Variants in EMILIN2 observed in about 807,000 individuals in gnomAD.
EMILIN2 encodes the protein elastin microfibril interfacer 2.
In EMILIN2, 71 loss-of-function variants were observed where a neutral mutation model predicts 87.1. The observed-to-expected ratio is 0.82, with a 90% CI of 0.67 to 0.99. The LOEUF (loss-of-function observed/expected upper bound fraction) is 0.99, where lower values mean the gene tolerates loss of function less well. EMILIN2 is among the 50% of genes least tolerant of loss of function. The pLI is 0.00. For missense variants in EMILIN2, 1,407 were observed against 1,371.8 expected (o/e 1.03, Z -0.40); for synonymous variants, 581 against 563.4 (o/e 1.03, Z -0.44).
chr18:2,894,760 A>G lies in EMILIN2; in HGVS notation c.2359+2274A>G, dbSNP rs2076855621. On this transcript the variant is annotated intron_variant, in intron 4 of 7. Transcript: ENST00000254528. The surrounding 1 kb of genome is among the most constrained non-coding windows in gnomAD (Gnocchi z 5.0). ...ATTGGAAAAGAGCCAGAAATAAACA[A>G]GCAGAGCCTCCTCTGCCCTTGTCTA... Among the ~76,000 whole-genome samples the G allele has an allele frequency of 1.3e-5, 2 of 152,166 alleles. No homozygotes were observed. The highest frequency in any genetic ancestry group is 4.8e-5 in the African/African-American group (2 of 41,440).
chr18:2,863,185 AT>A (rs1171996229), intron 2 of EMILIN2, among the ~76,000 whole-genome samples: 1 of 152,092 alleles, frequency 6.6e-6, no homozygotes, highest in East Asian at 1.9e-4. Context: ...GGATTCATTG[AT>A]TCTTTTGAAG....
Position 2,906,899 on chromosome 18 carries a change from C to G in EMILIN2, c.2476C>G (p.Leu826Val). 2.2e-6 allele frequency: 3 copies of G among 1,393,818 alleles called. No individual in the cohort carries two copies. Among genetic ancestry groups the G allele is most frequent in the Non-Finnish European group, 2.8e-6 (3 of 1,071,762 alleles). The allele number at this position is 1,393,818 out of a possible 1,614,324, so 86.3% of individuals were successfully genotyped here. A position where few individuals can be genotyped will look rare whatever the true frequency, so the allele number is the denominator to read the frequency against. The stretch of plus-strand genomic sequence containing the variant: ...AGAGGACCCTGGGCGACGGCCCGTC[C>G]TGCCCCAGCGGCCCCCCGAGGAGAG... ...TAEDPGRRPVLPQRPPEERPP... is the reference protein window; with the variant it reads ...TAEDPGRRPVVPQRPPEERPP... Residue 826 changes from leucine (L) to valine (V), a missense_variant, in exon 5 of 8, where the codon CTG becomes GTG. Coordinates refer to ENST00000254528, the MANE Select transcript of EMILIN2 (RefSeq NM_032048.3).
chr18:2,894,397 A>G lies in EMILIN2; in HGVS notation c.2359+1911A>G, dbSNP rs1254941287. Reference sequence around the variant, plus strand: ...CACTGCACCTCACTATTTATAACCCAGCCCTTCCCCCACTCCAGGGCCACT... The same window carrying G: ...CACTGCACCTCACTATTTATAACCCGGCCCTTCCCCCACTCCAGGGCCACT... On this transcript the variant is annotated intron_variant, in intron 4 of 7. Transcript: ENST00000254528. This position sits in a 1 kb window ranked among gnomAD's most constrained non-coding sequence, Gnocchi z 5.0. Among the ~76,000 whole-genome samples, 2 of 152,140 alleles carry G rather than the reference A, an allele frequency of 1.3e-5. No homozygotes were observed. The highest frequency in any genetic ancestry group is 2.9e-5 in the Non-Finnish European group (2 of 68,018).
intron 2 of EMILIN2, among the ~76,000 whole-genome samples, chr18:2,871,282 G>T (rs1459469657): frequency 6.6e-6 from 1 of 152,094 alleles, no homozygotes; most frequent in African/African-American, 2.4e-5. Context: ...TTGCTATGTT[G>T]CCCAGCCTGG....
intron 5 of EMILIN2, among the ~76,000 whole-genome samples, chr18:2,908,666 C>T (rs1384592757): frequency 1.3e-5 from 2 of 152,216 alleles, no homozygotes; most frequent in Admixed American, 1.3e-4. Flanking sequence ...CTCCAAGGCT[C>T]CAGTGCCCAT....
chr18:2,863,294 T>A (rs1361940939), intron 2 of EMILIN2, among the ~76,000 whole-genome samples: 2 of 152,218 alleles, frequency 1.3e-5, no homozygotes, highest in Non-Finnish European at 2.9e-5. Flanking sequence ...CTTCTCTAGT[T>A]CTTTTAATTG....
chr18:2,911,790 A>G (rs887981957), intron 7 of EMILIN2, among the ~76,000 whole-genome samples: 3 of 152,196 alleles, frequency 2.0e-5, no homozygotes, highest in African/African-American at 7.2e-5. Context: ...CTTGTCTTGC[A>G]TGGAGCAGGT....
Position 2,890,600 on chromosome 18 carries a change from T to G in EMILIN2, c.473T>G (p.Leu158Trp), listed in dbSNP as rs1568474110. 2.3e-5 allele frequency: 36 copies of G among 1,594,482 alleles called. No individual in the cohort carries two copies. The highest frequency in any genetic ancestry group is 3.0e-5 in the Non-Finnish European group (35 of 1,165,786). The change falls in exon 4 of 8, where the codon TTG becomes TGG. Residue 158 changes from leucine (L) to tryptophan (W), a missense_variant. By Grantham distance (61) the Leu-to-Trp change is moderately conservative. Transcript: ENST00000254528. This position sits in a 1 kb window ranked among gnomAD's most constrained non-coding sequence, Gnocchi z 4.7. ...CAATTCTCAGAGCCCAGGAAGACTT[T>G]GTCCCCAACTGGTACAGCACAACCA... is the stretch of plus-strand genomic sequence containing the variant. ...PSQFSEPRKT[L>W]SPTGTAQPSW... is the part of the protein sequence containing the mutation.
Position 2,885,119 on chromosome 18 carries a change from AC to A in EMILIN2, c.414del (p.Asn138LysfsTer3). On this transcript the variant is annotated frameshift_variant, in exon 3 of 8. Coordinates refer to ENST00000254528, the MANE Select transcript of EMILIN2 (RefSeq NM_032048.3). LOFTEE classifies it high-confidence loss of function. ...TLRPTPARPR[N>X]SLKKATDNEP... ...CGCCCCACGCCGGCTCGGCCTCGAAACAGCTTGAAGAAAGCCACAGGTAACT... is the reference window on the plus strand; with the variant it reads ...CGCCCCACGCCGGCTCGGCCTCGAAAAGCTTGAAGAAAGCCACAGGTAACT... 6.2e-7 allele frequency: 1 copy of A among 1,608,532 alleles called. No homozygotes were observed. Among genetic ancestry groups the A allele is most frequent in the Non-Finnish European group, 8.5e-7 (1 of 1,178,156 alleles).
rs2076956845 is a variant in EMILIN2, at chr18:2,914,502, C to T, written c.*1098C>T. On this transcript the variant is annotated 3_prime_UTR_variant, in exon 8 of 8. Coordinates refer to ENST00000254528, the MANE Select transcript of EMILIN2 (RefSeq NM_032048.3). Reference sequence around the variant, plus strand: ...AGCCCATCTGAGAACACGGCATCTTCACACAGCGAGACGCCTCCACTGAGG... The same window carrying T: ...AGCCCATCTGAGAACACGGCATCTTTACACAGCGAGACGCCTCCACTGAGG... The T allele has an allele frequency of 6.6e-6, 1 of 152,224 alleles. No individual in the cohort carries two copies. Among genetic ancestry groups the T allele is most frequent in the African/African-American group, 2.4e-5 (1 of 41,446 alleles). The allele number at this position is 152,224 out of a possible 1,614,324, so 9.4% of individuals were successfully genotyped here.
chr18:2,913,596 G>C lies in EMILIN2; in HGVS notation c.*192G>C. 1 of 554,144 alleles carries C rather than the reference G, an allele frequency of 1.8e-6. No homozygotes were observed. The allele number at this position is 554,144 out of a possible 1,614,324, so 34.3% of individuals were successfully genotyped here. On this transcript the variant is annotated 3_prime_UTR_variant, in exon 8 of 8. Coordinates refer to ENST00000254528, the MANE Select transcript of EMILIN2 (RefSeq NM_032048.3). ...CAGGCTGCAGGGAGTGAGGCACACGGTGAACATGGCCACTGACTTTTCTGC... is the reference window on the plus strand; with the variant it reads ...CAGGCTGCAGGGAGTGAGGCACACGCTGAACATGGCCACTGACTTTTCTGC...
At chr18:2,907,997 G>C (rs1030796093) in intron 5 of EMILIN2, among the ~76,000 whole-genome samples, 2 of 152,228 alleles carry the variant, frequency 1.3e-5, no homozygotes, top group African/African-American at 4.8e-5. Context: ...CATGGCCCCT[G>C]ATGCCCACGG....
At chr18:2,896,505 GCT>G (rs1204553332) in intron 4 of EMILIN2, among the ~76,000 whole-genome samples, 1 of 152,016 alleles carries the variant, frequency 6.6e-6, no homozygotes, top group Non-Finnish European at 1.5e-5. Flanking sequence ...ACAGGATCTT[GCT>G]CTGTCACCCA....
chr18:2,907,047 G>A lies in EMILIN2; in HGVS notation c.2624G>A (p.Gly875Asp), dbSNP rs1167885015. The A allele has an allele frequency of 4.7e-6, 6 of 1,277,064 alleles. No homozygotes were observed. The highest frequency in any genetic ancestry group is 5.9e-6 in the Non-Finnish European group (6 of 1,016,326). 79.1% of individuals were successfully genotyped at this position (1,277,064 alleles called of 1,614,324 possible). A position where few individuals can be genotyped will look rare whatever the true frequency, so the allele number is the denominator to read the frequency against. ...GGCGTGGACGGCCAGACCGGGAGCGGCACCGTCCCCGGCGCAGAAGGCTTC... is the reference window on the plus strand; with the variant it reads ...GGCGTGGACGGCCAGACCGGGAGCGACACCGTCCCCGGCGCAGAAGGCTTC... ...PRGVDGQTGS[G>D]TVPGAEGFAG... is the part of the protein sequence containing the mutation. The change falls in exon 5 of 8, where the codon GGC (glycine) becomes GAC (aspartate). Residue 875 changes from glycine to aspartate, a missense_variant. Physicochemically the swap from Gly to Asp is moderately conservative, Grantham distance 94. Coordinates refer to ENST00000254528, the MANE Select transcript of EMILIN2 (RefSeq NM_032048.3).
At chr18:2,863,906 G>A (rs2076673593) in intron 2 of EMILIN2, among the ~76,000 whole-genome samples, 1 of 152,166 alleles carries the variant, frequency 6.6e-6, no homozygotes, top group Non-Finnish European at 1.5e-5. Context: ...TGGTGCTCCT[G>A]TATTGGGTGC....
chr18:2,879,277 A>G (rs1301248821), intron 2 of EMILIN2, among the ~76,000 whole-genome samples: 1 of 152,222 alleles, frequency 6.6e-6, no homozygotes, highest in African/African-American at 2.4e-5. Context: ...CAACACTGCA[A>G]GTGCGGCCAC....
At chr18:2,900,017 T>C (rs1015110149) in intron 4 of EMILIN2, among the ~76,000 whole-genome samples, 1 of 152,210 alleles carries the variant, frequency 6.6e-6, no homozygotes, top group Non-Finnish European at 1.5e-5. Flanking sequence ...TTTCTATATT[T>C]AGCCCTATCC....
At chr18:2,887,289 G>A (rs1242741430) in intron 3 of EMILIN2, among the ~76,000 whole-genome samples, 2 of 151,884 alleles carry the variant, frequency 1.3e-5, no homozygotes, top group East Asian at 3.9e-4. Context: ...CTTTTATTTT[G>A]TCCTTTTAGT....
At chr18:2,882,457 G>A (rs2076781340) in intron 2 of EMILIN2, among the ~76,000 whole-genome samples, 1 of 152,198 alleles carries the variant, frequency 6.6e-6, no homozygotes, top group South Asian at 2.1e-4. Flanking sequence ...CTGCCCTAAA[G>A]ATCAAGGCAA....
Sources: gnomAD v4.1 joint callset for allele counts (sites outside exome capture counted in the v4.1 genomes callset) on GRCh38, gnomAD v4.1.1 for gene constraint, Gnocchi (gnomAD v3.1) non-coding constraint, MANE v1.5 for transcripts, NCBI Gene and HGNC (gene_info 2026-07-23, HGNC 2026-07-21) for gene names.